Variants in LRP1B observed in about 807,000 individuals in gnomAD.
LRP1B encodes the protein LDL receptor related protein 1B.
Under a neutral mutation model 556.6 loss-of-function variants are expected in LRP1B, and 217 were observed. The ratio of observed to expected loss-of-function variants is 0.39; its 90% CI spans 0.35 to 0.44. The LOEUF (loss-of-function observed/expected upper bound fraction) is 0.44, where lower values mean the gene tolerates loss of function less well. LRP1B is among the 20% of genes least tolerant of loss of function. The pLI, the probability that LRP1B is intolerant of heterozygous loss-of-function variation, is 1.00. For synonymous variants in LRP1B, 2,047 were observed against 1,865.8 expected, an observed-to-expected ratio of 1.10 and a Z score of -2.50; for missense variants, 5,053 against 5,620.8, an observed-to-expected ratio of 0.90 and a Z score of 3.23.
chr2:141,216,562 C>A (rs1682823700), intron 6 of LRP1B, among the ~76,000 whole-genome samples: 1 of 152,098 alleles, frequency 6.6e-6, no homozygotes, highest in African/African-American at 2.4e-5. Context: ...GAGCCACTGG[C>A]AGCTTTCACA....
At chr2:140,562,127 T>C (rs1474020088) in intron 43 of LRP1B, among the ~76,000 whole-genome samples, 3 of 152,040 alleles carry the variant, frequency 2.0e-5, no homozygotes, top group Non-Finnish European at 4.4e-5. Flanking sequence ...GCTAACACAA[T>C]ACCTAGTGGT....
Position 140,701,745 on chromosome 2 carries a change from T to G in LRP1B, c.6403A>C (p.Ile2135Leu). ...CCTTTCTCTCTTACTCGGTTAAATA[T>G]TTTAACCTCCTTCAGGTTGACTCCA... ...GLGVNLKEVK[I>L]FNRVREKGTN... Residue 2135 changes from isoleucine to leucine, a missense_variant, in exon 40 of 91, where the codon ATA becomes CTA. This residue lies in a region of LRP1B where 3,619 missense variants were observed against 3,931.9 expected (regional missense o/e 0.92). Coordinates refer to ENST00000389484, the MANE Select transcript of LRP1B (RefSeq NM_018557.3). 6.2e-7 allele frequency: 1 copy of G among 1,612,672 alleles called. No homozygotes were observed. Among genetic ancestry groups the G allele is most frequent in the Non-Finnish European group, 8.5e-7 (1 of 1,179,002 alleles).
chr2:141,578,060 G>A (rs1206582219), intron 2 of LRP1B, among the ~76,000 whole-genome samples: 1 of 151,936 alleles, frequency 6.6e-6, no homozygotes, highest in South Asian at 2.1e-4. Context: ...ATACATAAAC[G>A]GGGGAAAAAA....
At chr2:140,743,518 T>C (rs963431211) in intron 35 of LRP1B, among the ~76,000 whole-genome samples, 2 of 152,192 alleles carry the variant, frequency 1.3e-5, no homozygotes, top group African/African-American at 4.8e-5. Context: ...GTGTCTCAGT[T>C]TCCCCATCTG....
intron 7 of LRP1B, among the ~76,000 whole-genome samples, chr2:141,122,936 C>T (rs960123835): frequency 6.6e-6 from 1 of 152,050 alleles, no homozygotes; most frequent in Non-Finnish European, 1.5e-5. Context: ...AGGATAAGTT[C>T]ATGTCCTTTG....
chr2:141,141,956 G>T (rs1701663539), intron 7 of LRP1B, among the ~76,000 whole-genome samples: 1 of 151,394 alleles, frequency 6.6e-6, no homozygotes, highest in Admixed American at 6.6e-5. Context: ...CAACAAAAAG[G>T]CTAATAAATG....
At chr2:140,257,583 G>A (rs1681752814) in intron 86 of LRP1B, among the ~76,000 whole-genome samples, 2 of 152,056 alleles carry the variant, frequency 1.3e-5, no homozygotes, top group Admixed American at 1.3e-4. Context: ...TGTTCCCCGT[G>A]GCATGACTGG....
Position 140,440,028 on chromosome 2 carries a change from A to G in LRP1B, c.10414+2476T>C, listed in dbSNP as rs368312149. On this transcript the variant is annotated intron_variant, in intron 66 of 90. Coordinates refer to ENST00000389484, the MANE Select transcript of LRP1B (RefSeq NM_018557.3). Reference sequence around the variant, plus strand: ...TTTTCTTTACATAATTTAAATAAAAACAGAACAAATTATTTAAATTAGAAT... The same window carrying G: ...TTTTCTTTACATAATTTAAATAAAAGCAGAACAAATTATTTAAATTAGAAT... Among the ~76,000 whole-genome samples the G allele has an allele frequency of 5.9e-5, 9 of 152,270 alleles. No homozygotes were observed. The South Asian group carries it at 1.0e-3, about 18-fold the overall frequency.
At chr2:142,005,177 A>G (rs1702764655) in intron 1 of LRP1B, among the ~76,000 whole-genome samples, 1 of 150,568 alleles carries the variant, frequency 6.6e-6, no homozygotes, top group African/African-American at 2.4e-5. Context: ...ATATTTATAT[A>G]TATTTGGTGC....
At chr2:141,559,870 G>A (rs995213870) in intron 2 of LRP1B, among the ~76,000 whole-genome samples, 1 of 151,386 alleles carries the variant, frequency 6.6e-6, no homozygotes, top group African/African-American at 2.4e-5. Context: ...ACAGAATTTA[G>A]GATATTGTAA....
At chr2:141,852,373 ATCTT>A (rs1414692409) in intron 1 of LRP1B, among the ~76,000 whole-genome samples, 2 of 151,776 alleles carry the variant, frequency 1.3e-5, no homozygotes, top group Non-Finnish European at 2.9e-5. Context: ...GGATAAAGTG[ATCTT>A]TCTAATAGTA....
intron 2 of LRP1B, among the ~76,000 whole-genome samples, chr2:141,502,871 T>A (rs1235135967): frequency 6.7e-5 from 9 of 135,060 alleles, no homozygotes; most frequent in Middle Eastern, 3.9e-3. Context: ...AAATAAAAAA[T>A]AAATAAAAAT....
At chr2:140,999,900 G>T (rs979311371) in intron 15 of LRP1B, among the ~76,000 whole-genome samples, 3 of 151,808 alleles carry the variant, frequency 2.0e-5, no homozygotes, top group African/African-American at 7.3e-5. Flanking sequence ...AAGGTGACAG[G>T]ACTATTTACT....
chr2:141,209,871 A>AG (rs752166408), intron 6 of LRP1B, among the ~76,000 whole-genome samples: 2 of 152,306 alleles, frequency 1.3e-5, no homozygotes, highest in Non-Finnish European at 2.9e-5. Context: ...AAGGGAACTG[A>AG]GGGGAAAGTA....
chr2:140,372,650 A>G (rs1683046220), intron 69 of LRP1B, among the ~76,000 whole-genome samples: 1 of 152,124 alleles, frequency 6.6e-6, no homozygotes, highest in South Asian at 2.1e-4. Flanking sequence ...ATTCTATTTC[A>G]TAATCACCAT....
intron 2 of LRP1B, among the ~76,000 whole-genome samples, chr2:141,721,248 T>C (rs1692800120): frequency 6.6e-6 from 1 of 152,220 alleles, no homozygotes; most frequent in Admixed American, 6.5e-5. Flanking sequence ...TATTCAAAAG[T>C]GTGCTTGACT....
At chr2:140,370,238 T>G (rs1207123614) in intron 71 of LRP1B, among the ~76,000 whole-genome samples, 1 of 151,992 alleles carries the variant, frequency 6.6e-6, no homozygotes, top group African/African-American at 2.4e-5. Flanking sequence ...ATAAGGAAAT[T>G]TAGGGATTTG....
rs1553543025 is a variant in LRP1B at position 141,614,080 on chromosome 2, C to CAGAAAAAAAAAAAAAAA, written c.206-133548_206-133547insTTTTTTTTTTTTTTTCT. Among the ~76,000 whole-genome samples the CAGAAAAAAAAAAAAAAA allele has an allele frequency of 1.1e-3, 52 of 47,344 alleles. 4 individuals carry two copies. Among genetic ancestry groups the CAGAAAAAAAAAAAAAAA allele is most frequent in the South Asian group, 4.6e-3 (4 of 866 alleles). The allele number at this position is 47,344 out of a possible 152,430, so 31.1% of individuals were successfully genotyped here. A position where few individuals can be genotyped will look rare whatever the true frequency, so the allele number is the denominator to read the frequency against. On this transcript the variant is annotated intron_variant, in intron 2 of 90. Coordinates refer to ENST00000389484, the MANE Select transcript of LRP1B (RefSeq NM_018557.3). ...GGGCGATAAGAGCAAAACTCAGCCT[C>CAGAAAAAAAAAAAAAAA]AAAAAAAAAAAAAAAAAAAAAGAAA...
intron 1 of LRP1B, among the ~76,000 whole-genome samples, chr2:141,882,037 G>A (rs1574459735): frequency 1.3e-5 from 2 of 152,108 alleles, no homozygotes; most frequent in African/African-American, 4.8e-5. Flanking sequence ...GATTATAGGT[G>A]TGAGCCATGG....
Sources: allele counts gnomAD v4.1 joint callset (sites outside exome capture counted in the v4.1 genomes callset), GRCh38; gene constraint gnomAD v4.1.1; regional missense constraint gnomAD v4.1.1; transcripts MANE v1.5; gene names NCBI Gene and HGNC (gene_info 2026-07-23, HGNC 2026-07-21).